The following PDE1A variants were observed in gnomAD, a reference collection of about 807,000 sequenced individuals.
PDE1A encodes the protein dual specificity calcium/calmodulin-dependent 3',5'-cyclic nucleotide phosphodiesterase 1A.
In PDE1A, 35 loss-of-function variants were observed where a neutral mutation model predicts 61.7. The observed-to-expected ratio is 0.57, with a 90% CI of 0.43 to 0.75. PDE1A has a LOEUF of 0.75. PDE1A is among the 30% of genes least tolerant of loss of function. The pLI is 0.00. For synonymous variants in PDE1A, 232 were observed against 213.2 expected (o/e 1.09, Z -0.77); for missense variants, 597 against 630.6 (o/e 0.95, Z 0.57).
intron 1 of PDE1A, among the ~76,000 whole-genome samples, chr2:182,332,636 C>T (rs1595450): frequency 0.038 from 5,793 of 152,170 alleles, 360 homozygotes; most frequent in African/African-American, 0.13. Flanking sequence ...GCTGGGGAGC[C>T]ACTCCAGACC....
intron 7 of PDE1A, among the ~76,000 whole-genome samples, chr2:182,212,165 G>T (rs1687663994): frequency 6.7e-6 from 1 of 148,182 alleles, no homozygotes; most frequent in African/African-American, 2.5e-5. Context: ...AATTTTCTTT[G>T]AATTATTTAC....
intron 2 of PDE1A, among the ~76,000 whole-genome samples, chr2:182,247,250 G>C (rs184532667): frequency 4.6e-5 from 7 of 151,818 alleles, no homozygotes; most frequent in Admixed American, 2.6e-4. Flanking sequence ...TCACAGGAAA[G>C]AAAACTTAAA....
chr2:182,589,022 G>C, the PDE1A span, among the ~76,000 whole-genome samples: 1 of 148,760 alleles, frequency 6.7e-6, no homozygotes, highest in South Asian at 2.1e-4. Flanking sequence ...CAGCCTGGGC[G>C]ACAGAGTGAA....
the PDE1A span, among the ~76,000 whole-genome samples, chr2:182,658,203 G>A: frequency 6.6e-5 from 10 of 152,216 alleles, no homozygotes; most frequent in East Asian, 1.9e-3. Flanking sequence ...GACGTCCAAA[G>A]TCAAAGAATC....
exon 15 of PDE1A, chr2:182,140,793 A>T (rs1270586568): frequency 6.6e-6 from 1 of 152,170 alleles, no homozygotes; most frequent in African/African-American, 2.4e-5. Context: ...ATTAGTGCTC[A>T]GTAGTAGCTG....
upstream of PDE1A, among the ~76,000 whole-genome samples, chr2:182,524,425 A>C (rs969103045): frequency 6.6e-6 from 1 of 152,170 alleles, no homozygotes; most frequent in African/African-American, 2.4e-5. Flanking sequence ...AAAGAATGAG[A>C]ACTATTCTAC....
intron 1 of PDE1A, among the ~76,000 whole-genome samples, chr2:182,305,123 C>T (rs1574303076): frequency 6.6e-6 from 1 of 152,052 alleles, no homozygotes; most frequent in African/African-American, 2.4e-5. Flanking sequence ...ACATTATTGG[C>T]TTTCTTCCTT....
chr2:182,348,738 C>G (rs1182539124), intron 1 of PDE1A, among the ~76,000 whole-genome samples: 1 of 151,690 alleles, frequency 6.6e-6, no homozygotes, highest in Non-Finnish European at 1.5e-5. Flanking sequence ...CCAGTTGCAT[C>G]CCTGGATCTC....
chr2:182,329,120 T>C (rs1002233038), intron 1 of PDE1A, among the ~76,000 whole-genome samples: 6 of 152,174 alleles, frequency 3.9e-5, no homozygotes, highest in Non-Finnish European at 8.8e-5. Flanking sequence ...GTAATTCACA[T>C]GTGATACATT....
intron 1 of PDE1A, among the ~76,000 whole-genome samples, chr2:182,286,336 T>A (rs1354351259): frequency 6.6e-6 from 1 of 152,296 alleles, no homozygotes; most frequent in East Asian, 1.9e-4. Context: ...TGATTTTCAA[T>A]CAAGTTTTTT....
the PDE1A span, among the ~76,000 whole-genome samples, chr2:182,558,789 A>C: frequency 6.6e-6 from 1 of 152,186 alleles, no homozygotes; most frequent in Non-Finnish European, 1.5e-5. Context: ...GTCAGTACTC[A>C]AATCATGCAG....
intron 1 of PDE1A, among the ~76,000 whole-genome samples, chr2:182,274,308 G>C (rs1215445374): frequency 6.6e-6 from 1 of 152,054 alleles, no homozygotes; most frequent in Non-Finnish European, 1.5e-5. Context: ...TGCACTAGCA[G>C]AGAAGAAAAT....
chr2:182,500,309 T>C (rs1169670792), intron 2 of PDE1A, among the ~76,000 whole-genome samples: 6 of 152,110 alleles, frequency 3.9e-5, no homozygotes, highest in South Asian at 2.1e-4. Flanking sequence ...TAGAACTACA[T>C]TGGGAGGAGG....
chr2:182,624,481 G>A, the PDE1A span, among the ~76,000 whole-genome samples: 1 of 152,142 alleles, frequency 6.6e-6, no homozygotes, highest in Non-Finnish European at 1.5e-5. Flanking sequence ...TGATATCATG[G>A]GGACCAATGA....
chr2:182,522,537 T>C, intron 1 of PDE1A: 2 of 1,441,370 alleles, frequency 1.4e-6, no homozygotes, highest in Non-Finnish European at 1.8e-6. Context: ...AGATTTGCTA[T>C]TGACTTTGAC....
At chr2:182,350,248 T>C (rs1698792272) in intron 1 of PDE1A, among the ~76,000 whole-genome samples, 1 of 152,236 alleles carries the variant, frequency 6.6e-6, no homozygotes, top group South Asian at 2.1e-4. Flanking sequence ...TTTGTGGATG[T>C]ACTCTGTTTC....
chr2:182,658,047 T>TGAA, the PDE1A span, among the ~76,000 whole-genome samples: 1 of 66,662 alleles, frequency 1.5e-5, no homozygotes, highest in Admixed American at 2.0e-4. Context: ...AGCTTCTCAG[T>TGAA]AAAAAAAAAA....
chr2:182,384,426 A>G (rs894588199), intron 1 of PDE1A, among the ~76,000 whole-genome samples: 2 of 149,674 alleles, frequency 1.3e-5, no homozygotes, highest in Admixed American at 1.3e-4. Context: ...GAAAAATAAT[A>G]AATTACCAAA....
intron 2 of PDE1A, among the ~76,000 whole-genome samples, chr2:182,440,287 G>A (rs112580861): frequency 5.0e-4 from 76 of 152,036 alleles, no homozygotes; most frequent in African/African-American, 1.5e-3. Context: ...GCTCAAAATG[G>A]TACTCTGAGC....
Sources: allele counts gnomAD v4.1 joint callset (sites outside exome capture counted in the v4.1 genomes callset), GRCh38; gene constraint gnomAD v4.1.1; transcripts MANE v1.5; gene names NCBI Gene and HGNC (gene_info 2026-07-23, HGNC 2026-07-21).